HTR1F: variants seen among roughly 807,000 people sequenced by gnomAD.
HTR1F encodes 5-hydroxytryptamine (serotonin) receptor 1F, G protein-coupled.
In HTR1F, 17 loss-of-function variants were observed where a neutral mutation model predicts 24.0. That is an observed-to-expected ratio of 0.71 (90% CI 0.48 to 1.06). HTR1F has a LOEUF of 1.06. Among genes scored for constraint, HTR1F ranks in the 50% least tolerant of loss-of-function variants. The probability of loss-of-function intolerance (pLI) is 0.00; values close to 1 mark genes in which losing one functional copy is unlikely to be tolerated. For synonymous variants in HTR1F, 186 were observed against 156.8 expected (o/e 1.19, Z -1.39); for missense variants, 391 against 427.8 (o/e 0.91, Z 0.76).
chr3:87,954,066 A>G (rs1704891911), intron 2 of HTR1F, among the ~76,000 whole-genome samples: 2 of 151,700 alleles, frequency 1.3e-5, no homozygotes, highest in Non-Finnish European at 3.0e-5. Flanking sequence ...TGGAGACAGC[A>G]TAGAGAGGTA....
intron 2 of HTR1F, among the ~76,000 whole-genome samples, chr3:87,960,898 G>A (rs1168175954): frequency 3.3e-5 from 5 of 151,926 alleles, no homozygotes; most frequent in Non-Finnish European, 5.9e-5. Flanking sequence ...TAAGCCACCT[G>A]TGACCTGGAA....
At chr3:87,813,821 T>G (rs1175656341) in intron 1 of HTR1F, among the ~76,000 whole-genome samples, 1 of 152,180 alleles carries the variant, frequency 6.6e-6, no homozygotes, top group Non-Finnish European at 1.5e-5. Flanking sequence ...ATATGCTCTC[T>G]CGCCTGTCAC....
At chr3:87,803,595 G>T (rs1704028486) in intron 1 of HTR1F, among the ~76,000 whole-genome samples, 1 of 152,138 alleles carries the variant, frequency 6.6e-6, no homozygotes, top group South Asian at 2.1e-4. Flanking sequence ...CTCAGAAGCA[G>T]CATCTAATTT....
Position 87,990,979 on chromosome 3 carries a change from T to C in HTR1F, c.230T>C (p.Met77Thr), listed in dbSNP as rs1158528449. 9 of 1,614,090 alleles carry C rather than the reference T, an allele frequency of 5.6e-6. No individual in the cohort carries two copies. The highest frequency in any genetic ancestry group is 7.6e-6 in the Non-Finnish European group (9 of 1,180,038). Reference protein sequence around the residue: ...VTDFLVAVLVMPFSIVYIVRE... With the variant: ...VTDFLVAVLVTPFSIVYIVRE... ...GATTTTCTTGTGGCTGTCCTGGTGA[T>C]GCCCTTCAGCATTGTGTATATTGTG... is the stretch of plus-strand genomic sequence containing the variant. Residue 77 changes from methionine (M) to threonine (T), a missense_variant, in exon 3 of 3, where the codon ATG becomes ACG. Coordinates refer to ENST00000319595, the MANE Select transcript of HTR1F (RefSeq NM_001322209.2).
At chr3:87,935,893 C>T (rs1183155297) in intron 2 of HTR1F, among the ~76,000 whole-genome samples, 1 of 152,084 alleles carries the variant, frequency 6.6e-6, no homozygotes, top group Admixed American at 6.5e-5. Flanking sequence ...CTCTGTCACC[C>T]AGGCTGGAGT....
At position 87,923,950 on chromosome 3, in the gene HTR1F, T is replaced by G. The variant is rs1704068402; in HGVS notation, c.-42-66758T>G. ...GTTCATTGAGGATATTGGCCTTTAG[T>G]TTTCTTTTTATTTTATGTCCTTGTC... is the stretch of plus-strand genomic sequence containing the variant. On this transcript the variant is annotated intron_variant, in intron 2 of 2. Coordinates refer to ENST00000319595, the MANE Select transcript of HTR1F (RefSeq NM_001322209.2). Among the ~76,000 whole-genome samples, 3 of 152,040 alleles carry G rather than the reference T, an allele frequency of 2.0e-5. No homozygotes were observed. In the South Asian group the frequency reaches 6.2e-4, roughly 31 times the overall value.
intron 2 of HTR1F, among the ~76,000 whole-genome samples, chr3:87,843,877 A>G (rs1575934484): frequency 6.6e-6 from 1 of 151,732 alleles, no homozygotes; most frequent in Non-Finnish European, 1.5e-5. Context: ...TTATGGCTGC[A>G]TAGTATTCCA....
At chr3:87,821,368 G>A (rs924699703) in intron 1 of HTR1F, among the ~76,000 whole-genome samples, 1 of 152,062 alleles carries the variant, frequency 6.6e-6, no homozygotes, top group Non-Finnish European at 1.5e-5. Flanking sequence ...GTTTGCTTTT[G>A]TTTTTGTCTT....
At position 87,991,021 on chromosome 3, in the gene HTR1F, T is replaced by C. The variant is rs149733928; in HGVS notation, c.272T>C (p.Met91Thr). 1 of 1,614,178 alleles carries C rather than the reference T, an allele frequency of 6.2e-7. No homozygotes were observed. The highest frequency in any genetic ancestry group is 1.3e-5 in the African/African-American group (1 of 75,046). The change falls in exon 3 of 3, where the codon ATG becomes ACG. Residue 91 changes from methionine (M) to threonine (T), a missense_variant. Transcript: ENST00000319595. ...TATATTGTGAGAGAGAGCTGGATTATGGGGCAAGTGGTCTGTGACATTTGG... is the reference window on the plus strand; with the variant it reads ...TATATTGTGAGAGAGAGCTGGATTACGGGGCAAGTGGTCTGTGACATTTGG... The part of the protein sequence containing the change: ...IVYIVRESWI[M>T]GQVVCDIWLS...
intron 2 of HTR1F, among the ~76,000 whole-genome samples, chr3:87,967,484 C>T (rs1705191667): frequency 1.3e-5 from 2 of 151,300 alleles, no homozygotes; most frequent in Admixed American, 1.3e-4. Context: ...AGTGGTACCT[C>T]AAGGAGTGAT....
intron 2 of HTR1F, among the ~76,000 whole-genome samples, chr3:87,833,868 A>T (rs1328682919): frequency 6.6e-6 from 1 of 152,034 alleles, no homozygotes; most frequent in Non-Finnish European, 1.5e-5. Context: ...TTGCACGAAG[A>T]TTCTTAGCTT....
intron 2 of HTR1F, among the ~76,000 whole-genome samples, chr3:87,894,039 G>A (rs1367499656): frequency 6.6e-6 from 1 of 150,622 alleles, no homozygotes. Context: ...ATAGGTTTTG[G>A]GGGGAACAGG....
At chr3:87,947,438 G>A (rs1704735638) in intron 2 of HTR1F, among the ~76,000 whole-genome samples, 1 of 152,044 alleles carries the variant, frequency 6.6e-6, no homozygotes, top group African/African-American at 2.4e-5. Flanking sequence ...ATGTAGGGGG[G>A]AATTGATAAT....
chr3:87,822,311 G>T (rs566932747), intron 2 of HTR1F, among the ~76,000 whole-genome samples, 187 bp downstream of exon 2: 1 of 152,184 alleles, frequency 6.6e-6, no homozygotes, highest in Non-Finnish European at 1.5e-5. Flanking sequence ...GTGTTTCAAG[G>T]TGAAAGGAAG....
Position 87,910,644 on chromosome 3 carries a change from T to G in HTR1F, c.-42-80064T>G, listed in dbSNP as rs946100633. On this transcript the variant is annotated intron_variant, in intron 2 of 2. Coordinates refer to ENST00000319595, the MANE Select transcript of HTR1F (RefSeq NM_001322209.2). ...GATCTTATAGACCTCTACAGAACTC[T>G]GCACCCAAAAACAACAGAATATAAA... 5.1e-4 allele frequency among the ~76,000 whole-genome samples: 78 copies of G among 152,180 alleles called. 1 individual carries two copies. Among genetic ancestry groups the G allele is most frequent in the Admixed American group, 4.5e-3 (68 of 15,254 alleles).
At chr3:87,968,963 C>T (rs1227156496) in intron 2 of HTR1F, among the ~76,000 whole-genome samples, 1 of 152,208 alleles carries the variant, frequency 6.6e-6, no homozygotes, top group East Asian at 1.9e-4. Context: ...ACAGCTTGGG[C>T]CATGGATTCA....
intron 2 of HTR1F, among the ~76,000 whole-genome samples, chr3:87,928,650 C>G (rs1811618): frequency 6.6e-6 from 1 of 152,022 alleles, no homozygotes; most frequent in East Asian, 1.9e-4. Flanking sequence ...AACCACCTTC[C>G]GCAGCTTTTG....
chr3:87,909,686 G>A (rs1296307737), intron 2 of HTR1F, among the ~76,000 whole-genome samples: 6 of 151,942 alleles, frequency 3.9e-5, no homozygotes, highest in Admixed American at 2.6e-4. Flanking sequence ...TTTATGTAAA[G>A]AAGCTAAGCT....
chr3:87,908,332 C>T (rs1181567842), intron 2 of HTR1F, among the ~76,000 whole-genome samples: 2 of 151,730 alleles, frequency 1.3e-5, no homozygotes, highest in Non-Finnish European at 2.9e-5. Flanking sequence ...TGGAAAATAA[C>T]CATATTGCTA....
Sources: allele counts gnomAD v4.1 joint callset (sites outside exome capture counted in the v4.1 genomes callset), GRCh38; gene constraint gnomAD v4.1.1; transcripts MANE v1.5; gene names NCBI Gene and HGNC (gene_info 2026-07-23, HGNC 2026-07-21).